The following OTOGL variants were observed in gnomAD, a reference collection of about 807,000 sequenced individuals.
The protein encoded by OTOGL is otogelin-like protein.
A neutral mutation model predicts 318.5 loss-of-function variants in OTOGL; 285 were observed. The ratio of observed to expected loss-of-function variants is 0.89; its 90% confidence interval spans 0.81 to 0.99. The LOEUF (loss-of-function observed/expected upper bound fraction) is 0.99, where lower values mean the gene tolerates loss of function less well. Among genes scored for constraint, OTOGL ranks in the 50% least tolerant of loss-of-function variants. The pLI is 0.00. For synonymous variants in OTOGL, 987 were observed against 936.5 expected (o/e 1.05, Z -0.99); for missense variants, 2,899 against 2,845.6 (o/e 1.02, Z -0.43).
intron 1 of OTOGL, among the ~76,000 whole-genome samples, chr12:80,190,107 T>G (rs1875567306): frequency 6.6e-6 from 1 of 152,200 alleles, no homozygotes; most frequent in African/African-American, 2.4e-5. Flanking sequence ...TTTTTATGAT[T>G]TATTTTGGCA....
In OTOGL at chr12:80,242,933, C is replaced by T. The variant is rs143513995; in HGVS notation, c.1052+3494C>T. ...TACTCCACCAATCCTTGAATTATGCCGTCCTGTTTCTGCTTCTAAGAATGC... is the reference window on the plus strand; with the variant it reads ...TACTCCACCAATCCTTGAATTATGCTGTCCTGTTTCTGCTTCTAAGAATGC... On this transcript the variant is annotated intron_variant, in intron 11 of 58. Transcript: ENST00000547103. Among the ~76,000 whole-genome samples the T allele has an allele frequency of 3.0e-3, 458 of 152,154 alleles. 4 individuals carry two copies. The highest frequency in any genetic ancestry group is 0.01 in the African/African-American group (434 of 41,516).
chr12:80,210,744 A>G, intron 2 of OTOGL, 103 bp from the exon 3 acceptor site: 1 of 886,342 alleles, frequency 1.1e-6, no homozygotes, highest in South Asian at 2.5e-5. Flanking sequence ...AACTTCAATC[A>G]GAATTTTAGA....
chr12:80,253,380 A>G (rs1881742610), intron 13 of OTOGL, 86 bp from the exon 14 acceptor site: 1 of 1,263,382 alleles, frequency 7.9e-7, no homozygotes, highest in South Asian at 1.3e-5. Flanking sequence ...TAGGTATTCA[A>G]CAGAAGTTGG....
intron 11 of OTOGL, among the ~76,000 whole-genome samples, chr12:80,244,504 C>T (rs1008645171): frequency 2.7e-4 from 40 of 149,770 alleles, no homozygotes; most frequent in African/African-American, 9.2e-4. Flanking sequence ...ATGAACTCAT[C>T]ATTCTTTATG....
chr12:80,253,685 C>A, intron 14 of OTOGL, 111 bp downstream of exon 14: 2 of 793,974 alleles, frequency 2.5e-6, no homozygotes, highest in Non-Finnish European at 3.9e-6. Context: ...TCCCAAATTC[C>A]AACACAAAAC....
chr12:80,123,179 C>T (rs1424907779), intron 1 of OTOGL, among the ~76,000 whole-genome samples: 1 of 152,026 alleles, frequency 6.6e-6, no homozygotes, highest in Non-Finnish European at 1.5e-5. Context: ...TGCTATCCCT[C>T]CCCCTTCCCC....
In OTOGL at chr12:80,196,298, A is replaced by G. The variant is rs377422493; in HGVS notation, c.-19-13115A>G. Among the ~76,000 whole-genome samples the G allele has an allele frequency of 6.6e-5, 10 of 152,350 alleles. No homozygotes were observed. In the South Asian group the frequency reaches 2.1e-3, roughly 32 times the overall value. On this transcript the variant is annotated intron_variant, in intron 1 of 58. Transcript: ENST00000547103. ...TTTCCCAGGGACAGTTATCCTATCT[A>G]CAGCCTTTCAACTATGCACCTTACA...
chr12:80,248,399 T>G (rs1414285789), intron 11 of OTOGL, among the ~76,000 whole-genome samples: 2 of 144,796 alleles, frequency 1.4e-5, no homozygotes, highest in African/African-American at 5.5e-5. Context: ...GTCTATAAAG[T>G]ATTTTATTTC....
intron 1 of OTOGL, among the ~76,000 whole-genome samples, chr12:80,163,457 C>T (rs1186307492): frequency 2.0e-5 from 3 of 152,010 alleles, no homozygotes; most frequent in Non-Finnish European, 4.4e-5. Flanking sequence ...GATGTTCAAG[C>T]AGATCAACGT....
Position 80,356,011 on chromosome 12 carries a change from A to T in OTOGL, c.5806+63A>T, listed in dbSNP as rs1486825160. On this transcript the variant is annotated intron_variant, in intron 47 of 58. Transcript: ENST00000547103. The stretch of plus-strand genomic sequence containing the variant: ...AAAATATGTTGATATTCTTTGTGAA[A>T]AAGCAGAGCATATATAATGCTTTGT... 7 of 1,531,088 alleles carry T rather than the reference A, an allele frequency of 4.6e-6. No individual in the cohort carries two copies. In the South Asian group the frequency reaches 7.9e-5, roughly 17 times the overall value. The allele number at this position is 1,531,088 out of a possible 1,614,324, so 94.8% of individuals were successfully genotyped here.
intron 28 of OTOGL, among the ~76,000 whole-genome samples, chr12:80,302,992 A>G (rs963155403): frequency 6.6e-6 from 1 of 152,190 alleles, no homozygotes; most frequent in African/African-American, 2.4e-5. Flanking sequence ...TGCAGTATCC[A>G]GTTTTCCAAG....
chr12:80,257,033 T>C (rs1882113141), intron 17 of OTOGL, among the ~76,000 whole-genome samples: 1 of 152,012 alleles, frequency 6.6e-6, no homozygotes, highest in Non-Finnish European at 1.5e-5. Context: ...GAGAAGGGCT[T>C]ATGTAGGAGG....
At chr12:80,254,002 C>A (rs1881804290) in intron 14 of OTOGL, among the ~76,000 whole-genome samples, 1 of 152,072 alleles carries the variant, frequency 6.6e-6, no homozygotes, top group South Asian at 2.1e-4. Flanking sequence ...GAAATCCCTG[C>A]AGGACAGTCC....
At chr12:80,105,962 G>A (rs1294837767) in intron 1 of OTOGL, among the ~76,000 whole-genome samples, 1 of 152,158 alleles carries the variant, frequency 6.6e-6, no homozygotes, top group Non-Finnish European at 1.5e-5. Flanking sequence ...AAAAACATGA[G>A]CAAACTATTT....
intron 57 of OTOGL, among the ~76,000 whole-genome samples, chr12:80,373,902 G>A (rs1157561790): frequency 5.9e-5 from 9 of 152,058 alleles, no homozygotes; most frequent in Admixed American, 5.9e-4. Flanking sequence ...GAGGGCAGAG[G>A]CTGAATGATA....
chr12:80,255,486 G>A (rs550434205), intron 16 of OTOGL, among the ~76,000 whole-genome samples: 6 of 151,920 alleles, frequency 3.9e-5, no homozygotes, highest in South Asian at 2.1e-4. Context: ...AAAGTAGTAC[G>A]TATAGTTTTT....
At chr12:80,188,762 G>A (rs1035746332) in intron 1 of OTOGL, among the ~76,000 whole-genome samples, 10 of 151,998 alleles carry the variant, frequency 6.6e-5, no homozygotes, top group Admixed American at 1.3e-4. Context: ...AAAGCCATCT[G>A]GTATATCCAA....
At chr12:80,226,177 A>ACACACACAC (rs1878824294) in intron 7 of OTOGL, among the ~76,000 whole-genome samples, 6 of 132,896 alleles carry the variant, frequency 4.5e-5, no homozygotes, top group Non-Finnish European at 8.1e-5. Context: ...TCCTGCTCCT[A>ACACACACAC]ACACACACAC....
chr12:80,261,543 C>G (rs1882526510), intron 18 of OTOGL, among the ~76,000 whole-genome samples: 2 of 151,860 alleles, frequency 1.3e-5, no homozygotes, highest in African/African-American at 4.8e-5. Flanking sequence ...TGTGAAATGC[C>G]CATACTAACT....
Sources: gnomAD v4.1 joint callset for allele counts (sites outside exome capture counted in the v4.1 genomes callset) on GRCh38, gnomAD v4.1.1 for gene constraint, MANE v1.5 for transcripts, NCBI Gene and HGNC (gene_info 2026-07-23, HGNC 2026-07-21) for gene names.